Variants in USH2A observed in about 807,000 individuals in gnomAD.
The protein encoded by USH2A is usherin, also known as Usher syndrome 2A (autosomal recessive, mild).
Under a neutral mutation model 538.9 loss-of-function variants are expected in USH2A, and 443 were observed. The observed-to-expected ratio is 0.82, with a 90% CI of 0.76 to 0.89. The LOEUF (loss-of-function observed/expected upper bound fraction) is 0.89. Among genes scored for constraint, USH2A ranks in the 40% least tolerant of loss-of-function variants. USH2A has a pLI of 0.00. For missense variants in USH2A, 6,633 were observed against 6,324.8 expected, an observed-to-expected ratio of 1.05 and a Z score of -1.65; for synonymous variants, 2,413 against 2,273.5, an observed-to-expected ratio of 1.06 and a Z score of -1.75.
chr1:216,157,860 T>C (rs1300138256), intron 21 of USH2A, among the ~76,000 whole-genome samples: 1 of 152,178 alleles, frequency 6.6e-6, no homozygotes, highest in Admixed American at 6.5e-5. Context: ...CGCTCACTAC[T>C]TGCGTAATGG....
chr1:216,242,800 A>C (rs148647453), intron 13 of USH2A, among the ~76,000 whole-genome samples: 222 of 152,298 alleles, frequency 1.5e-3, no homozygotes, highest in Admixed American at 2.8e-3. Context: ...GCAAGAAAGA[A>C]ACATAATTGA....
intron 21 of USH2A, among the ~76,000 whole-genome samples, chr1:216,134,662 C>T (rs994110584): frequency 3.9e-5 from 6 of 152,208 alleles, no homozygotes; most frequent in African/African-American, 1.4e-4. Flanking sequence ...TCATATTGCA[C>T]AAATTCTGTC....
chr1:215,998,894 T>A lies in USH2A; in HGVS notation c.6650A>T (p.Lys2217Met), dbSNP rs1668198049. ...TGATGGAAATAAACTTACTCCCAGCTTGATGAGATATTTATTACCAGGTAA... is the reference window on the plus strand; with the variant it reads ...TGATGGAAATAAACTTACTCCCAGCATGATGAGATATTTATTACCAGGTAA... ...YVLPGNKYLI[K>M]LGACTGGGCT... is the part of the protein sequence containing the mutation. Residue 2217 changes from lysine (K) to methionine (M), a missense_variant, in exon 34 of 72, where the codon AAG becomes ATG. Transcript: ENST00000307340. 1 of 1,613,060 alleles carries A rather than the reference T, an allele frequency of 6.2e-7. No individual in the cohort carries two copies. The highest frequency in any genetic ancestry group is 8.5e-7 in the Non-Finnish European group (1 of 1,179,374).
intron 15 of USH2A, among the ~76,000 whole-genome samples, chr1:216,209,815 C>G (rs1018135747): frequency 6.6e-6 from 1 of 152,200 alleles, no homozygotes; most frequent in African/African-American, 2.4e-5. Context: ...AGGTGAAGGA[C>G]AGTCTTTTGT....
chr1:215,984,475 CATA>C, intron 35 of USH2A, among the ~76,000 whole-genome samples: 1 of 152,280 alleles, frequency 6.6e-6, no homozygotes, highest in African/African-American at 2.4e-5. Context: ...TTTCTGTTTC[CATA>C]ATGATAGGGT....
intron 5 of USH2A, among the ~76,000 whole-genome samples, chr1:216,325,935 T>C (rs2037724637): frequency 1.3e-5 from 2 of 152,232 alleles, no homozygotes. Context: ...TGATCACATT[T>C]ACTTAGGATG....
In USH2A at chr1:215,743,232, C is replaced by T. The variant is rs745759975; in HGVS notation, c.11493G>A (p.Leu3831=). 6.2e-7 allele frequency: 1 copy of T among 1,612,314 alleles called. No individual in the cohort carries two copies. Among genetic ancestry groups the T allele is most frequent in the South Asian group, 1.1e-5 (1 of 91,024 alleles). The part of the protein sequence containing the change: ...FSVGHHQSTL[L]ENLTPFTQYE... ...ACTGTGTGAATGGAGTCAAATTTTCCAGAAGGGTGGATTGATGATGACCAA... is the reference window on the plus strand; with the variant it reads ...ACTGTGTGAATGGAGTCAAATTTTCTAGAAGGGTGGATTGATGATGACCAA... Residue 3831 remains leucine (L), a synonymous_variant, in exon 59 of 72, where the codon CTG becomes CTA. Transcript: ENST00000307340.
At chr1:216,232,168 T>C in intron 13 of USH2A, 32 bp from the exon 14 acceptor site, 1 of 1,580,054 alleles carries the variant, frequency 6.3e-7, no homozygotes, top group Non-Finnish European at 8.6e-7. Flanking sequence ...GTTTTATATA[T>C]ACTTTTTATC....
intron 31 of USH2A, among the ~76,000 whole-genome samples, chr1:216,048,099 C>T (rs1261460783): frequency 6.6e-6 from 1 of 152,176 alleles, no homozygotes; most frequent in Non-Finnish European, 1.5e-5. Context: ...GTTGCCTGTG[C>T]TGCTGTTTAG....
chr1:215,737,606 G>A (rs911390337), intron 60 of USH2A, among the ~76,000 whole-genome samples: 2 of 151,744 alleles, frequency 1.3e-5, no homozygotes, highest in Non-Finnish European at 3.0e-5. Context: ...AAGGGCTTAG[G>A]TCTCATAGAT....
At chr1:216,375,114 C>T (rs2038793721) in intron 3 of USH2A, among the ~76,000 whole-genome samples, 1 of 151,966 alleles carries the variant, frequency 6.6e-6, no homozygotes, top group African/African-American at 2.4e-5. Flanking sequence ...TTCTATAAAC[C>T]ATTGACCCTT....
chr1:216,396,810 A>G (rs2039220707), intron 3 of USH2A, among the ~76,000 whole-genome samples: 1 of 152,220 alleles, frequency 6.6e-6, no homozygotes, highest in Admixed American at 6.5e-5. Context: ...TTCAACATCT[A>G]AAGTTGCCTC....
At chr1:216,210,503 A>G (rs2035216565) in intron 15 of USH2A, among the ~76,000 whole-genome samples, 1 of 152,176 alleles carries the variant, frequency 6.6e-6, no homozygotes, top group Non-Finnish European at 1.5e-5. Flanking sequence ...CAGCTCAGGC[A>G]GCTGCCCTTG....
chr1:216,326,255 A>T (rs2037733159), intron 5 of USH2A, among the ~76,000 whole-genome samples: 2 of 152,188 alleles, frequency 1.3e-5, no homozygotes, highest in Non-Finnish European at 2.9e-5. Context: ...TCTAGACCAG[A>T]ATTAGTCATT....
chr1:215,981,704 G>C (rs988513402), intron 35 of USH2A, among the ~76,000 whole-genome samples: 2 of 152,130 alleles, frequency 1.3e-5, no homozygotes, highest in African/African-American at 2.4e-5. Flanking sequence ...CTATCTACTA[G>C]TCCAAGCACC....
chr1:215,757,080 C>T (rs1447069753), intron 58 of USH2A, among the ~76,000 whole-genome samples: 1 of 152,120 alleles, frequency 6.6e-6, no homozygotes, highest in East Asian at 1.9e-4. Context: ...TCAAGAATAT[C>T]TATGCTCTTA....
chr1:215,815,320 T>C (rs1355023178), intron 48 of USH2A, among the ~76,000 whole-genome samples: 1 of 152,052 alleles, frequency 6.6e-6, no homozygotes, highest in East Asian at 1.9e-4. Flanking sequence ...TGTGGTGAGA[T>C]TTGCACACGC....
At position 215,671,139 on chromosome 1, in the gene USH2A, A is replaced by G; in HGVS notation, c.13966T>C (p.Leu4656=). 6.2e-7 allele frequency: 1 copy of G among 1,614,132 alleles called. No homozygotes were observed. Among genetic ancestry groups the G allele is most frequent in the South Asian group, 1.1e-5 (1 of 91,072 alleles). The stretch of plus-strand genomic sequence containing the variant: ...TTTGGCTGCAGCGGTCCTGTCCACA[A>G]AAGAGAAACAGTTGGCTGGAATCCT... ...PGGFQPTVSL[L]WTGPLQPNGK... is the part of the protein sequence containing the mutation. Residue 4656 remains leucine, a synonymous_variant, in exon 64 of 72, where the codon TTG becomes CTG. Coordinates refer to ENST00000307340, the MANE Select transcript of USH2A (RefSeq NM_206933.4).
Position 215,759,461 on chromosome 1 carries a change from C to T in USH2A, c.11231+199G>A, listed in dbSNP as rs55908750. The stretch of plus-strand genomic sequence containing the variant: ...TCATGCTTTTATGTCAAACAGAAGA[C>T]GAATTATTTATATTTTTAAGAAATT... On this transcript the variant is annotated intron_variant, in intron 57 of 71. Coordinates refer to ENST00000307340, the MANE Select transcript of USH2A (RefSeq NM_206933.4). Among the ~76,000 whole-genome samples the T allele has an allele frequency of 0.042, 6,315 of 151,800 alleles. 148 individuals carry two copies. Among genetic ancestry groups the T allele is most frequent in the South Asian group, 0.064 (310 of 4,826 alleles).
Sources: allele counts gnomAD v4.1 joint callset (sites outside exome capture counted in the v4.1 genomes callset), GRCh38; gene constraint gnomAD v4.1.1; transcripts MANE v1.5; gene names NCBI Gene and HGNC (gene_info 2026-07-23, HGNC 2026-07-21).